Variants in METTL14 observed in about 807,000 individuals in gnomAD.
METTL14 encodes the protein N(6)-adenosine-methyltransferase non-catalytic subunit METTL14.
Under a neutral mutation model 62.4 loss-of-function variants are expected in METTL14, and 32 were observed. The ratio of observed to expected loss-of-function variants is 0.51; its 90% CI spans 0.39 to 0.69. METTL14 has a LOEUF of 0.69. Among genes scored for constraint, METTL14 ranks in the 30% least tolerant of loss-of-function variants. The pLI, the probability that METTL14 is intolerant of heterozygous loss-of-function variation, is 0.00. For synonymous variants in METTL14, 150 were observed against 180.0 expected (o/e 0.83, Z 1.34); for missense variants, 340 against 551.9 (o/e 0.62, Z 3.85).
intron 1 of METTL14, chr4:118,686,782 T>C (rs1724077352): frequency 2.7e-6 from 1 of 373,666 alleles, no homozygotes; most frequent in Non-Finnish European, 5.3e-6. Context: ...TCAATATACA[T>C]TCATAGGACA....
rs1311641293 is a variant in METTL14 at position 118,713,974 on chromosome 4, T to A, written c.*3672T>A. 3 of 152,192 alleles carry A rather than the reference T, an allele frequency of 2.0e-5. No individual in the cohort carries two copies. Among genetic ancestry groups the A allele is most frequent in the Admixed American group, 6.5e-5 (1 of 15,282 alleles). The allele number at this position is 152,192 out of a possible 1,614,324, so 9.4% of individuals were successfully genotyped here. ...CCTTTTTCCACTACTGGATAAAATATTAAAATGATCAGTTTGAGTGTATGT... is the reference window on the plus strand; with the variant it reads ...CCTTTTTCCACTACTGGATAAAATAATAAAATGATCAGTTTGAGTGTATGT... On this transcript the variant is annotated 3_prime_UTR_variant, in exon 11 of 11. Transcript: ENST00000388822.
At chr4:118,702,590 A>T (rs1724627481) in intron 8 of METTL14, among the ~76,000 whole-genome samples, 1 of 152,238 alleles carries the variant, frequency 6.6e-6, no homozygotes. Context: ...AGCCTGGCCA[A>T]CATGGTGAAA....
chr4:118,686,868 C>T (rs1249166882), intron 1 of METTL14, among the ~76,000 whole-genome samples: 1 of 152,332 alleles, frequency 6.6e-6, no homozygotes, highest in Non-Finnish European at 1.5e-5. Flanking sequence ...ATTGGTTGCA[C>T]TCTACTTAGC....
At chr4:118,708,404 A>T (rs1436344499) in intron 10 of METTL14, among the ~76,000 whole-genome samples, 5 of 152,224 alleles carry the variant, frequency 3.3e-5, no homozygotes, top group African/African-American at 1.2e-4. Context: ...TACCACAAAC[A>T]TGCCAAAAAA....
chr4:118,685,718 C>T, intron 1 of METTL14, 118 bp downstream of exon 1: 1 of 838,326 alleles, frequency 1.2e-6, no homozygotes, highest in East Asian at 2.7e-5. Context: ...TAAGGCCTTT[C>T]TGGTCCTGCG....
In METTL14 at chr4:118,697,212, C is replaced by G; in HGVS notation, c.534C>G (p.Asp178Glu). ...TACAAGCCGATATAGAAGCCTTTGACATCAGAGAACTAACACCCAAATTTG... is the reference window on the plus strand; with the variant it reads ...TACAAGCCGATATAGAAGCCTTTGAGATCAGAGAACTAACACCCAAATTTG... ...MYLQADIEAF[D>E]IRELTPKFDV... Residue 178 changes from aspartate to glutamate, a missense_variant, in exon 7 of 11, where the codon GAC (aspartate) becomes GAG (glutamate). Asp to Glu is a conservative substitution (Grantham distance 45). Transcript: ENST00000388822. 1 of 1,610,856 alleles carries G rather than the reference C, an allele frequency of 6.2e-7. No individual in the cohort carries two copies. Among genetic ancestry groups the G allele is most frequent in the Non-Finnish European group, 8.5e-7 (1 of 1,178,706 alleles).
At chr4:118,702,550 C>A (rs987164531) in intron 8 of METTL14, among the ~76,000 whole-genome samples, 4 of 152,012 alleles carry the variant, frequency 2.6e-5, no homozygotes, top group African/African-American at 9.7e-5. Flanking sequence ...CAGAGGCGGG[C>A]AGATCACTTG....
chr4:118,686,257 A>G (rs1335343928), intron 1 of METTL14, among the ~76,000 whole-genome samples: 1 of 152,218 alleles, frequency 6.6e-6, no homozygotes, highest in African/African-American at 2.4e-5. Context: ...AATAGAACCT[A>G]GGTTTGTCTC....
Position 118,712,419 on chromosome 4 carries a change from C to G in METTL14, c.*2117C>G, listed in dbSNP as rs1485121108. ...ATCACTTGAGGTCAGGAGTTTGAGA[C>G]CAGCCTGACCAATATGGAGAAATCC... On this transcript the variant is annotated 3_prime_UTR_variant, in exon 11 of 11. Coordinates refer to ENST00000388822, the MANE Select transcript of METTL14 (RefSeq NM_020961.4). The G allele has an allele frequency of 1.3e-5, 2 of 152,182 alleles. No individual in the cohort carries two copies. The highest frequency in any genetic ancestry group is 1.5e-5 in the Non-Finnish European group (1 of 68,076). 9.4% of individuals were successfully genotyped at this position (152,182 alleles called of 1,614,324 possible). A position where few individuals can be genotyped will look rare whatever the true frequency, so the allele number is the denominator to read the frequency against.
Position 118,715,241 on chromosome 4 carries a change from GTGTTTATTTTGT to G in METTL14, c.*4945_*4956del, listed in dbSNP as rs1725015983. 6.6e-6 allele frequency: 1 copy of G among 152,082 alleles called. No homozygotes were observed. Among genetic ancestry groups the G allele is most frequent in the African/African-American group, 2.4e-5 (1 of 41,404 alleles). 9.4% of individuals were successfully genotyped at this position (152,082 alleles called of 1,614,324 possible). On this transcript the variant is annotated 3_prime_UTR_variant, in exon 11 of 11. Coordinates refer to ENST00000388822, the MANE Select transcript of METTL14 (RefSeq NM_020961.4). The stretch of plus-strand genomic sequence containing the variant: ...TACATCATTATCCTGCCTTTTCTGG[GTGTTTATTTTGT>G]TGTTTTTGAAAGTGGACAAAACCTC...
In METTL14 at chr4:118,710,297, C is replaced by T. The variant is rs760901567; in HGVS notation, c.1366C>T (p.Arg456Ter). The T allele has an allele frequency of 6.8e-6, 11 of 1,609,760 alleles. No individual in the cohort carries two copies. In the African/African-American group the frequency reaches 8.0e-5, roughly 12 times the overall value. The change falls in exon 11 of 11, where the codon CGA becomes TGA. Residue 456 changes from arginine (R) to a stop codon, truncating the protein, a stop_gained. Coordinates refer to ENST00000388822, the MANE Select transcript of METTL14 (RefSeq NM_020961.4). LOFTEE classifies it high-confidence loss of function. Reference protein sequence around the residue: ...GGAHRGGFPPR With the variant: ...GGAHRGGFPP ...AGCACACAGAGGTGGCTTTCCACCT[C>T]GATAATTGTTGAAGACATTGAACCT...
rs1724237520 is a variant in METTL14 at position 118,691,258 on chromosome 4, C to G, written c.244-274C>G. Among the ~76,000 whole-genome samples, 3 of 152,030 alleles carry G rather than the reference C, an allele frequency of 2.0e-5. No individual in the cohort carries two copies. The South Asian group carries it at 6.2e-4, about 32-fold the overall frequency. ...TCATGACTCAAACTAGACTCTAACA[C>G]TTATAGTATTGTATATGAGATAAAT... On this transcript the variant is annotated intron_variant, in intron 3 of 10. Transcript: ENST00000388822.
chr4:118,686,565 C>CT (rs1724067182), intron 1 of METTL14: 1 of 456,072 alleles, frequency 2.2e-6, no homozygotes. Flanking sequence ...TGGAATATGG[C>CT]TAAAACCGTG....
intron 7 of METTL14, among the ~76,000 whole-genome samples, chr4:118,699,932 T>C (rs1454694279): frequency 6.6e-6 from 1 of 152,162 alleles, no homozygotes; most frequent in Non-Finnish European, 1.5e-5. Flanking sequence ...GGTATTCTTT[T>C]TCATGTTAGA....
chr4:118,711,795 A>G lies in METTL14; in HGVS notation c.*1493A>G, dbSNP rs1254801783. ...TAGATTTAGAACTCTATATGTCAGC[A>G]TTGACCTGGGAATGAAGTCAGGATA... On this transcript the variant is annotated 3_prime_UTR_variant, in exon 11 of 11. Transcript: ENST00000388822. The G allele has an allele frequency of 6.6e-6, 1 of 152,208 alleles. No homozygotes were observed. The highest frequency in any genetic ancestry group is 1.5e-5 in the Non-Finnish European group (1 of 68,048). 9.4% of individuals were successfully genotyped at this position (152,208 alleles called of 1,614,324 possible). A position where few individuals can be genotyped will look rare whatever the true frequency, so the allele number is the denominator to read the frequency against.
rs11931194 is a variant in METTL14 at position 118,710,005 on chromosome 4, C to T, written c.1074C>T (p.Leu358=). ...GRDSTIRPGW[L]TVGPTLTNSN... ...TTTTTTCCTCCATTTCAGGCTGGCT[C>T]ACAGTTGGACCAACGCTTACAAATA... Residue 358 remains leucine (L), a synonymous_variant, in exon 11 of 11, where the codon CTC becomes CTT. Transcript: ENST00000388822. 85,699 of 1,593,260 alleles carry T rather than the reference C, an allele frequency of 0.054. 2,748 individuals carry two copies. Among genetic ancestry groups the T allele is most frequent in the Non-Finnish European group, 0.062 (72,032 of 1,169,734 alleles).
At position 118,697,246 on chromosome 4, in the gene METTL14, C is replaced by A. The variant is rs773723218; in HGVS notation, c.568C>A (p.Leu190Ile). 19 of 1,612,106 alleles carry A rather than the reference C, an allele frequency of 1.2e-5. No individual in the cohort carries two copies. The Admixed American group carries it at 2.2e-4, about 18-fold the overall frequency. The change falls in exon 7 of 11, where the codon CTT (leucine) becomes ATT (isoleucine). Residue 190 changes from leucine to isoleucine, a missense_variant. Transcript: ENST00000388822. Reference protein sequence around the residue: ...RELTPKFDVILLEPPLEEYYR... With the variant: ...RELTPKFDVIILEPPLEEYYR... Reference sequence around the variant, plus strand: ...ACTAACACCCAAATTTGATGTGATTCTTCTGGAACCCCCTTTAGAAGAATA... The same window carrying A: ...ACTAACACCCAAATTTGATGTGATTATTCTGGAACCCCCTTTAGAAGAATA...
At chr4:118,691,763 T>G in intron 4 of METTL14, 151 bp downstream of exon 4, 1 of 590,004 alleles carries the variant, frequency 1.7e-6, no homozygotes, top group Non-Finnish European at 2.9e-6. Context: ...ACTCATGAAA[T>G]AGTCTTCTGA....
chr4:118,690,338 A>G (rs1724208997), intron 3 of METTL14, among the ~76,000 whole-genome samples: 1 of 150,910 alleles, frequency 6.6e-6, no homozygotes, highest in African/African-American at 2.4e-5. Context: ...ATGCCTGGCC[A>G]GCAGTAGACA....
Sources: allele counts gnomAD v4.1 joint callset (sites outside exome capture counted in the v4.1 genomes callset), GRCh38; gene constraint gnomAD v4.1.1; transcripts MANE v1.5; gene names NCBI Gene and HGNC (gene_info 2026-07-23, HGNC 2026-07-21).